Variants in POLR1A observed in about 807,000 individuals in gnomAD.
POLR1A encodes the protein RNA polymerase I subunit A.
A neutral mutation model predicts 205.3 loss-of-function variants in POLR1A; 84 were observed. The ratio of observed to expected loss-of-function variants is 0.41; its 90% CI spans 0.34 to 0.49. The LOEUF (loss-of-function observed/expected upper bound fraction) is 0.49, where lower values mean the gene tolerates loss of function less well. POLR1A is among the 20% of genes least tolerant of loss of function. POLR1A has a pLI of 0.22. For synonymous variants in POLR1A, 799 were observed against 863.7 expected (o/e 0.93, Z 1.31); for missense variants, 1,645 against 2,204.5 (o/e 0.75, Z 5.08).
Position 86,031,508 on chromosome 2 carries a change from C to G in POLR1A, c.4400G>C (p.Gly1467Ala). 6.2e-7 allele frequency: 1 copy of G among 1,614,196 alleles called. No individual in the cohort carries two copies. The highest frequency in any genetic ancestry group is 8.5e-7 in the Non-Finnish European group (1 of 1,180,014). The stretch of plus-strand genomic sequence containing the variant: ...GGACGGGTCCTCCTCAGTGCCTAAG[C>G]CCACCTCTTCATCTTGCTCTTGGGT... Reference protein sequence around the residue: ...RKTQEQDEEVGLGTEEDPSLP... With the variant: ...RKTQEQDEEVALGTEEDPSLP... Residue 1467 changes from glycine to alanine, a missense_variant, in exon 30 of 34, where the codon GGC becomes GCC. By Grantham distance (60) the Gly-to-Ala change is moderately conservative. Coordinates refer to ENST00000263857, the MANE Select transcript of POLR1A (RefSeq NM_015425.6).
intron 14 of POLR1A, among the ~76,000 whole-genome samples, chr2:86,063,311 GGCA>G (rs1166044514): frequency 8.3e-6 from 1 of 120,794 alleles, no homozygotes; most frequent in Admixed American, 1.2e-4. Flanking sequence ...TTCCAGCCTG[GGCA>G]GCAAGAGCAA....
rs188040554 is a variant in POLR1A, at chr2:86,098,143, T to C, written c.432+468A>G. 2.0e-3 allele frequency among the ~76,000 whole-genome samples: 306 copies of C among 152,352 alleles called. 1 individual carries two copies. The highest frequency in any genetic ancestry group is 5.5e-3 in the Admixed American group (84 of 15,310). The stretch of plus-strand genomic sequence containing the variant: ...GCAATACAAAGTACCCTGTATCATG[T>C]AGGTTGTATTCTTGCCAAAATGTGA... On this transcript the variant is annotated intron_variant, in intron 3 of 33. Coordinates refer to ENST00000263857, the MANE Select transcript of POLR1A (RefSeq NM_015425.6).
Position 86,031,499 on chromosome 2 carries a change from G to A in POLR1A, c.4409C>T (p.Thr1470Ile). Residue 1470 changes from threonine to isoleucine, a missense_variant, in exon 30 of 34, where the codon ACT (threonine) becomes ATT (isoleucine). By Grantham distance (89) the Thr-to-Ile change is moderately conservative (BLOSUM62 -1). This residue lies in a region of POLR1A where 394 missense variants were observed against 468.5 expected (regional missense o/e 0.84). Transcript: ENST00000263857. ...GGCGGGAAGGGACGGGTCCTCCTCA[G>A]TGCCTAAGCCCACCTCTTCATCTTG... ...QEQDEEVGLG[T>I]EEDPSLPALL... is the part of the protein sequence containing the mutation. The A allele has an allele frequency of 6.2e-7, 1 of 1,614,222 alleles. No homozygotes were observed. Among genetic ancestry groups the A allele is most frequent in the Non-Finnish European group, 8.5e-7 (1 of 1,180,020 alleles).
chr2:86,041,253 G>A (rs1672600674), intron 24 of POLR1A, among the ~76,000 whole-genome samples: 1 of 149,778 alleles, frequency 6.7e-6, no homozygotes, highest in Non-Finnish European at 1.5e-5. Flanking sequence ...GTCTGTGTGT[G>A]TGTGTGTGTG....
chr2:86,060,713 G>A (rs1672977527), intron 14 of POLR1A, among the ~76,000 whole-genome samples: 1 of 152,172 alleles, frequency 6.6e-6, no homozygotes, highest in Non-Finnish European at 1.5e-5. Context: ...AGACCCAAGT[G>A]TGAAAGGTAA....
intron 3 of POLR1A, among the ~76,000 whole-genome samples, chr2:86,096,091 A>G (rs1673697550): frequency 6.6e-6 from 1 of 151,982 alleles, no homozygotes; most frequent in South Asian, 2.1e-4. Context: ...TCATAAACAA[A>G]CTCAGTAAAG....
intron 27 of POLR1A, among the ~76,000 whole-genome samples, chr2:86,035,580 A>C (rs1451564343): frequency 1.3e-5 from 2 of 152,124 alleles, no homozygotes; most frequent in Non-Finnish European, 2.9e-5. Context: ...AGCCTGTCTC[A>C]ACTTGTGGCA....
chr2:86,075,176 T>C lies in POLR1A; in HGVS notation c.1465A>G (p.Asn489Asp). 6.2e-7 allele frequency: 1 copy of C among 1,613,544 alleles called. No individual in the cohort carries two copies. The highest frequency in any genetic ancestry group is 1.3e-5 in the African/African-American group (1 of 75,028). ...ACCATGGAGGCTCCTGGGTGCACAT[T>C]AGGGCCGTTGATGACCGCTTGCCTA... ...ELRQAVINGP[N>D]VHPGASMVIN... Residue 489 changes from asparagine to aspartate, a missense_variant, in exon 12 of 34, where the codon AAT (asparagine) becomes GAT (aspartate). Coordinates refer to ENST00000263857, the MANE Select transcript of POLR1A (RefSeq NM_015425.6).
intron 24 of POLR1A, among the ~76,000 whole-genome samples, chr2:86,041,582 G>A (rs988116047): frequency 6.6e-6 from 1 of 152,148 alleles, no homozygotes; most frequent in South Asian, 2.1e-4. Flanking sequence ...CAGATTCCCT[G>A]ACTCTCAGTC....
chr2:86,067,101 G>C (rs538187029), intron 13 of POLR1A, among the ~76,000 whole-genome samples: 1 of 152,158 alleles, frequency 6.6e-6, no homozygotes, highest in Admixed American at 6.5e-5. Context: ...CAATTACTTT[G>C]ATGGCTAAAT....
rs201070540 is a variant in POLR1A at position 86,049,123 on chromosome 2, C to G, written c.2475+37G>C. ...TTTTGACTCAGCACACACTTCACCC[C>G]TCTAGGGCAGGCCACGGCCTCGAAG... On this transcript the variant is annotated intron_variant, in intron 17 of 33. Transcript: ENST00000263857. 6 of 1,610,988 alleles carry G rather than the reference C, an allele frequency of 3.7e-6. No individual in the cohort carries two copies. The Admixed American group carries it at 6.7e-5, about 18-fold the overall frequency.
chr2:86,087,258 G>A (rs891382458), intron 6 of POLR1A, among the ~76,000 whole-genome samples: 10 of 152,118 alleles, frequency 6.6e-5, no homozygotes, highest in African/African-American at 2.4e-4. Context: ...ATATTAAACA[G>A]GTTTTTCATT....
chr2:86,105,648 G>A (rs1289596829), intron 1 of POLR1A, 52 bp downstream of exon 1: 8 of 1,276,436 alleles, frequency 6.3e-6, no homozygotes, highest in African/African-American at 2.9e-5. Context: ...TCGTAGTTTA[G>A]GGCGCCGACC....
intron 14 of POLR1A, 55 bp from the exon 15 acceptor site, chr2:86,054,344 AG>A: frequency 3.8e-6 from 6 of 1,581,504 alleles, no homozygotes; most frequent in Non-Finnish European, 5.2e-6. Flanking sequence ...TGGCAAAATG[AG>A]GACAAACTGA....
At chr2:86,029,886 C>G (rs909348267) in intron 31 of POLR1A, among the ~76,000 whole-genome samples, 3 of 152,112 alleles carry the variant, frequency 2.0e-5, no homozygotes, top group African/African-American at 7.2e-5. Context: ...AGGTGTGAAC[C>G]ACCACGCCCG....
rs772119115 is a variant in POLR1A at position 86,033,713 on chromosome 2, C to A, written c.4109G>T (p.Arg1370Leu). The A allele has an allele frequency of 6.2e-7, 1 of 1,613,916 alleles. No individual in the cohort carries two copies. Among genetic ancestry groups the A allele is most frequent in the Non-Finnish European group, 8.5e-7 (1 of 1,180,014 alleles). ...GTCCAGATCCCGCTGTGTAGCTCTTCGAGTGTTTACGTTCCTGAAAGCTGA... is the reference window on the plus strand; with the variant it reads ...GTCCAGATCCCGCTGTGTAGCTCTTAGAGTGTTTACGTTCCTGAAAGCTGA... ...KASAFRNVNTRRATQRDLDNA... is the reference protein window; with the variant it reads ...KASAFRNVNTLRATQRDLDNA... The change falls in exon 28 of 34, where the codon CGA (arginine) becomes CTA (leucine). Residue 1370 changes from arginine to leucine, a missense_variant. By Grantham distance (102) the Arg-to-Leu change is moderately radical. This residue lies in a region of POLR1A where 394 missense variants were observed against 468.5 expected (regional missense o/e 0.84). Transcript: ENST00000263857.
chr2:86,082,541 C>T (rs1280641150), intron 7 of POLR1A, among the ~76,000 whole-genome samples: 1 of 146,918 alleles, frequency 6.8e-6, no homozygotes, highest in African/African-American at 2.5e-5. Flanking sequence ...AACTCCAGTG[C>T]TTTTTTTTTT....
intron 19 of POLR1A, among the ~76,000 whole-genome samples, chr2:86,046,396 T>C (rs918697948): frequency 1.3e-5 from 2 of 152,180 alleles, no homozygotes; most frequent in Non-Finnish European, 2.9e-5. Context: ...GCAGTATATC[T>C]AGGTTTCGAT....
chr2:86,098,638 G>C lies in POLR1A; in HGVS notation c.405C>G (p.Val135=), dbSNP rs1573838073. ...TGTTCAGAATTCTCTCAAGCTCGTA[G>C]ACTGCTTGTAGGGCCCCGACTTCCA... ...RVLEVGALQA[V]YELERILNRF... Residue 135 remains valine (V), a synonymous_variant, in exon 3 of 34, where the codon GTC becomes GTG. Coordinates refer to ENST00000263857, the MANE Select transcript of POLR1A (RefSeq NM_015425.6). 6.2e-7 allele frequency: 1 copy of C among 1,613,644 alleles called. No homozygotes were observed. Among genetic ancestry groups the C allele is most frequent in the Non-Finnish European group, 8.5e-7 (1 of 1,179,898 alleles).
Sources: allele counts gnomAD v4.1 joint callset (sites outside exome capture counted in the v4.1 genomes callset), GRCh38; gene constraint gnomAD v4.1.1; regional missense constraint gnomAD v4.1.1; transcripts MANE v1.5; gene names NCBI Gene and HGNC (gene_info 2026-07-23, HGNC 2026-07-21).